Variants in DPH6 observed in about 807,000 individuals in gnomAD.
The protein encoded by DPH6 is diphthine--ammonia ligase.
DPH6 carries 33 observed loss-of-function variants against 38.2 expected under a neutral mutation model. That is an observed-to-expected ratio of 0.86 (90% CI 0.65 to 1.15). DPH6 has a LOEUF of 1.15. DPH6 is among the 50% of genes most tolerant of loss of function. The pLI, the probability that DPH6 is intolerant of heterozygous loss-of-function variation, is 0.00. For synonymous variants in DPH6, 108 were observed against 103.0 expected, an observed-to-expected ratio of 1.05 and a Z score of -0.30; for missense variants, 325 against 320.0, an observed-to-expected ratio of 1.02 and a Z score of -0.12.
chr15:35,465,802 T>C (rs968748275), intron 3 of DPH6, among the ~76,000 whole-genome samples: 1 of 152,184 alleles, frequency 6.6e-6, no homozygotes, highest in Non-Finnish European at 1.5e-5. Context: ...GGGCTTTCAT[T>C]AAATAGGGGA....
intron 3 of DPH6, among the ~76,000 whole-genome samples, chr15:35,503,008 T>C (rs1237992057): frequency 6.6e-6 from 1 of 150,462 alleles, no homozygotes; most frequent in African/African-American, 2.4e-5. Context: ...GTGACCATCA[T>C]AAAGTGACTG....
chr15:35,382,450 A>AACACACACACAC (rs56269036), intron 6 of DPH6, among the ~76,000 whole-genome samples: 37 of 150,350 alleles, frequency 2.5e-4, no homozygotes, highest in African/African-American at 8.8e-4. Flanking sequence ...CGAAAAACAA[A>AACACACACACAC]ACACACACAC....
At chr15:35,353,239 C>G (rs1386197739) in intron 3 of DPH6, among the ~76,000 whole-genome samples, 1 of 152,162 alleles carries the variant, frequency 6.6e-6, no homozygotes, top group Admixed American at 6.5e-5. Flanking sequence ...TGCCTGTTCA[C>G]TCTGATGGTA....
intron 5 of DPH6, among the ~76,000 whole-genome samples, chr15:35,429,161 G>A (rs1042750695): frequency 2.0e-5 from 3 of 152,082 alleles, no homozygotes; most frequent in African/African-American, 7.2e-5. Context: ...CATTAACTCT[G>A]TTAATAGAAC....
intron 3 of DPH6, among the ~76,000 whole-genome samples, chr15:35,480,998 T>G (rs2054319657): frequency 6.6e-6 from 1 of 151,810 alleles, no homozygotes; most frequent in Admixed American, 6.6e-5. Flanking sequence ...AAATCAAACC[T>G]GAATTTGATC....
At chr15:35,257,197 T>C (rs2051714347) in intron 3 of DPH6, among the ~76,000 whole-genome samples, 1 of 152,126 alleles carries the variant, frequency 6.6e-6, no homozygotes, top group South Asian at 2.1e-4. Context: ...AAATAATAAA[T>C]AGGTAAGGGT....
chr15:35,386,990 C>T (rs2052970128), intron 6 of DPH6, among the ~76,000 whole-genome samples: 1 of 152,212 alleles, frequency 6.6e-6, no homozygotes, highest in Non-Finnish European at 1.5e-5. Flanking sequence ...ACATGTAAGT[C>T]TTTAATCCAT....
chr15:35,161,755 A>C, the DPH6 span, among the ~76,000 whole-genome samples: 3 of 151,910 alleles, frequency 2.0e-5, no homozygotes, highest in East Asian at 5.8e-4. Flanking sequence ...AAACACAGAA[A>C]GATGCCAGCA....
intron 3 of DPH6, among the ~76,000 whole-genome samples, chr15:35,479,748 T>C (rs1261610694): frequency 6.6e-6 from 1 of 152,102 alleles, no homozygotes; most frequent in Non-Finnish European, 1.5e-5. Flanking sequence ...ATGTTAATGA[T>C]CACTACACTC....
chr15:35,432,189 T>C (rs1024395176), intron 5 of DPH6, among the ~76,000 whole-genome samples: 2 of 152,092 alleles, frequency 1.3e-5, no homozygotes, highest in Admixed American at 6.6e-5. Context: ...TAGAGGTATA[T>C]GAAATTAGAG....
At chr15:35,509,541 CATT>C (rs1202519884) in intron 3 of DPH6, among the ~76,000 whole-genome samples, 1 of 152,108 alleles carries the variant, frequency 6.6e-6, no homozygotes, top group Non-Finnish European at 1.5e-5. Flanking sequence ...AGACTTGTAA[CATT>C]ATCACAAATA....
chr15:35,259,328 A>G (rs1288076264), intron 3 of DPH6, among the ~76,000 whole-genome samples: 3 of 152,162 alleles, frequency 2.0e-5, no homozygotes, highest in African/African-American at 2.4e-5. Flanking sequence ...CTTAATTATG[A>G]ATTATTCAAA....
At chr15:35,310,930 A>C (rs1300889017) in intron 3 of DPH6, among the ~76,000 whole-genome samples, 1 of 151,794 alleles carries the variant, frequency 6.6e-6, no homozygotes, top group Non-Finnish European at 1.5e-5. Context: ...ATGGTGGCAC[A>C]TGCCTGTAAT....
intron 3 of DPH6, among the ~76,000 whole-genome samples, chr15:35,531,599 G>A (rs1009827862): frequency 6.6e-6 from 1 of 151,982 alleles, no homozygotes; most frequent in Non-Finnish European, 1.5e-5. Flanking sequence ...TCAGCCTCCT[G>A]AATAGCTGGG....
chr15:35,443,677 C>T (rs538144794), intron 5 of DPH6, among the ~76,000 whole-genome samples: 2 of 152,224 alleles, frequency 1.3e-5, no homozygotes, highest in South Asian at 2.1e-4. Context: ...TAAACAGATA[C>T]CTCTAGAAAG....
At chr15:35,161,748 C>T in the DPH6 span, among the ~76,000 whole-genome samples, 2 of 151,848 alleles carry the variant, frequency 1.3e-5, no homozygotes, top group East Asian at 1.9e-4. Context: ...CATGTGAAAA[C>T]ACAGAAAGAT....
intron 3 of DPH6, among the ~76,000 whole-genome samples, chr15:35,272,702 A>T (rs569012630): frequency 4.6e-5 from 7 of 152,188 alleles, no homozygotes; most frequent in African/African-American, 1.7e-4. Flanking sequence ...TGAGGTTAGG[A>T]GTTCAAGACC....
chr15:35,392,536 T>C (rs1414097155), intron 6 of DPH6, among the ~76,000 whole-genome samples: 1 of 152,210 alleles, frequency 6.6e-6, no homozygotes, highest in Non-Finnish European at 1.5e-5. Context: ...AATTCATTCA[T>C]AACACTTATT....
chr15:35,480,892 T>C (rs1466920633), intron 3 of DPH6, among the ~76,000 whole-genome samples: 1 of 151,998 alleles, frequency 6.6e-6, no homozygotes, highest in Non-Finnish European at 1.5e-5. Flanking sequence ...AATTGTAATA[T>C]CACCATTTAC....
Sources: allele counts gnomAD v4.1 joint callset (sites outside exome capture counted in the v4.1 genomes callset), GRCh38; gene constraint gnomAD v4.1.1; transcripts MANE v1.5; gene names NCBI Gene and HGNC (gene_info 2026-07-23, HGNC 2026-07-21).